MEGF11: variants seen among roughly 807,000 people sequenced by gnomAD.
MEGF11 encodes the protein multiple EGF like domains 11.
In MEGF11, 126 loss-of-function variants were observed where a neutral mutation model predicts 146.6. The observed-to-expected ratio is 0.86, with a 90% confidence interval of 0.74 to 1.00. The LOEUF is 1.00. Among genes scored for constraint, MEGF11 ranks in the 50% least tolerant of loss-of-function variants. MEGF11 has a pLI of 0.00. For synonymous variants in MEGF11, 532 were observed against 583.4 expected, an observed-to-expected ratio of 0.91 and a Z score of 1.27; for missense variants, 1,509 against 1,521.2, an observed-to-expected ratio of 0.99 and a Z score of 0.13.
intron 1 of MEGF11, among the ~76,000 whole-genome samples, chr15:66,141,233 GGTGT>G (rs572801225): frequency 0.1 from 9,702 of 95,676 alleles, 589 homozygotes; most frequent in East Asian, 0.23. Context: ...CAGACTCAGG[GGTGT>G]GTGTGTGTGT....
At chr15:65,988,184 T>A (rs913114764) in intron 5 of MEGF11, among the ~76,000 whole-genome samples, 2 of 151,910 alleles carry the variant, frequency 1.3e-5, no homozygotes, top group African/African-American at 2.4e-5. Flanking sequence ...ATTTTCCTAT[T>A]TTTTTGTAGG....
chr15:66,232,680 A>G (rs530387835), intron 1 of MEGF11, among the ~76,000 whole-genome samples: 30 of 151,768 alleles, frequency 2.0e-4, no homozygotes, highest in African/African-American at 7.3e-4. Context: ...TGCTCCTTAT[A>G]CCTCCAGTCT....
intron 1 of MEGF11, among the ~76,000 whole-genome samples, chr15:66,212,649 C>T (rs1185589554): frequency 6.6e-6 from 1 of 152,242 alleles, no homozygotes; most frequent in Admixed American, 6.5e-5. Flanking sequence ...CTTCCTTCCA[C>T]CCCCACTGCC....
At chr15:66,082,956 C>G (rs2085955127) in intron 5 of MEGF11, among the ~76,000 whole-genome samples, 1 of 152,152 alleles carries the variant, frequency 6.6e-6, no homozygotes, top group Admixed American at 6.5e-5. Context: ...CTCACCTGTC[C>G]CAGGCCAGGG....
chr15:66,078,468 C>T (rs565383332), intron 5 of MEGF11, among the ~76,000 whole-genome samples: 4 of 152,348 alleles, frequency 2.6e-5, no homozygotes, highest in East Asian at 1.9e-4. Flanking sequence ...AGGAGGTCTG[C>T]GGTGGCCCAC....
chr15:65,975,837 G>A lies in MEGF11; in HGVS notation c.762+4941C>T, dbSNP rs1401250333. 2.6e-5 allele frequency among the ~76,000 whole-genome samples: 4 copies of A among 152,138 alleles called. No individual in the cohort carries two copies. In the East Asian group the frequency reaches 7.7e-4, roughly 29 times the overall value. ...AACCAAGTTGACACCTGATGAGGTG[G>A]CACATGGTGGGAGCCCCATATATCC... On this transcript the variant is annotated intron_variant, in intron 7 of 25. Transcript: ENST00000395614.
At chr15:66,117,267 C>T (rs953910389) in intron 4 of MEGF11, among the ~76,000 whole-genome samples, 1 of 152,164 alleles carries the variant, frequency 6.6e-6, no homozygotes, top group Admixed American at 6.5e-5. Flanking sequence ...TCCCATCTCC[C>T]TGCCAGAACT....
chr15:66,149,570 A>G (rs1223842448), intron 1 of MEGF11, among the ~76,000 whole-genome samples: 1 of 152,010 alleles, frequency 6.6e-6, no homozygotes, highest in Non-Finnish European at 1.5e-5. Flanking sequence ...CTGAGCTCTG[A>G]GCTGGACAGA....
chr15:65,959,551 TCTTTAATA>T (rs763293619), intron 9 of MEGF11, among the ~76,000 whole-genome samples: 19 of 152,320 alleles, frequency 1.2e-4, no homozygotes, highest in East Asian at 1.9e-4. Flanking sequence ...TACTTTTAAG[TCTTTAATA>T]CTTTAATACT....
chr15:66,054,496 A>C (rs761371678), intron 5 of MEGF11, among the ~76,000 whole-genome samples: 2 of 151,482 alleles, frequency 1.3e-5, no homozygotes, highest in African/African-American at 2.4e-5. Context: ...TCCCTTCCCC[A>C]CTCTGGCTTC....
chr15:65,918,364 C>T (rs1207452257), intron 15 of MEGF11, among the ~76,000 whole-genome samples: 4 of 152,256 alleles, frequency 2.6e-5, no homozygotes, highest in African/African-American at 9.6e-5. Flanking sequence ...GAGGTAGAAT[C>T]ACCTGACTTA....
Position 66,112,654 on chromosome 15 carries a change from A to G in MEGF11, c.301+6432T>C, listed in dbSNP as rs116155172. On this transcript the variant is annotated intron_variant, in intron 4 of 25. Coordinates refer to ENST00000395614, the MANE Select transcript of MEGF11 (RefSeq NM_001385028.1). ...TATACCTCTGAGAAGCAAAGAGTAT[A>G]AAACAAACAAATAAAAACCCCCAGA... Among the ~76,000 whole-genome samples, 1,196 of 147,848 alleles carry G rather than the reference A, an allele frequency of 8.1e-3. 16 individuals are homozygous for G. The highest frequency in any genetic ancestry group is 0.029 in the African/African-American group (1,150 of 39,638).
chr15:66,141,273 TGTGTGTGTGTGTGTGTGAGAGA>T (rs1234764951), intron 1 of MEGF11, among the ~76,000 whole-genome samples: 3 of 142,526 alleles, frequency 2.1e-5, no homozygotes, highest in East Asian at 4.3e-4. Flanking sequence ...TGTGTGTGTG[TGTGTGTGTGTGTGTGTGAGAGA>T]GAGAGAGAGA....
At chr15:66,007,696 G>A (rs760913088) in intron 5 of MEGF11, among the ~76,000 whole-genome samples, 10 of 152,240 alleles carry the variant, frequency 6.6e-5, no homozygotes, top group Non-Finnish European at 1.2e-4. Flanking sequence ...AAGCTGCAGT[G>A]AGCTGAGATT....
At chr15:65,980,346 T>A (rs775555426) in intron 7 of MEGF11, among the ~76,000 whole-genome samples, 3 of 150,816 alleles carry the variant, frequency 2.0e-5, no homozygotes, top group Non-Finnish European at 4.4e-5. Context: ...AGTGATGCCC[T>A]ATGGCGATAA....
intron 1 of MEGF11, among the ~76,000 whole-genome samples, chr15:66,252,340 C>G (rs1163837229): frequency 6.6e-5 from 10 of 151,798 alleles, no homozygotes; most frequent in Admixed American, 6.6e-4. Context: ...GCCGAGATGG[C>G]CAGGAGCCCA....
intron 13 of MEGF11, among the ~76,000 whole-genome samples, chr15:65,926,381 C>G (rs1207226432): frequency 6.6e-6 from 1 of 152,250 alleles, no homozygotes; most frequent in Admixed American, 6.5e-5. Flanking sequence ...TATAGGCCAA[C>G]TTCCAGTTTA....
At position 65,898,939 on chromosome 15, in the gene MEGF11, A is replaced by G. The variant is rs2078423668; in HGVS notation, c.3056-5T>C. Reference sequence around the variant, plus strand: ...ACACGGATTCTTTCATGTAATCTGCAAGGCAAGAGACATTTCTTAGGACAA... The same window carrying G: ...ACACGGATTCTTTCATGTAATCTGCGAGGCAAGAGACATTTCTTAGGACAA... On this transcript the variant is annotated splice_polypyrimidine_tract_variant and splice_region_variant and intron_variant, in intron 24 of 25. Transcript: ENST00000395614. 6.2e-7 allele frequency: 1 copy of G among 1,613,690 alleles called. No homozygotes were observed. The highest frequency in any genetic ancestry group is 8.5e-7 in the Non-Finnish European group (1 of 1,179,642).
At chr15:66,235,934 T>A (rs1220637585) in intron 1 of MEGF11, among the ~76,000 whole-genome samples, 1 of 152,202 alleles carries the variant, frequency 6.6e-6, no homozygotes, top group Non-Finnish European at 1.5e-5. Context: ...ACTGGCTCCC[T>A]GTTTGACCAA....
Sources: gnomAD v4.1 joint callset for allele counts (sites outside exome capture counted in the v4.1 genomes callset) on GRCh38, gnomAD v4.1.1 for gene constraint, MANE v1.5 for transcripts, NCBI Gene and HGNC (gene_info 2026-07-23, HGNC 2026-07-21) for gene names.